The following PCDH15 variants were observed in gnomAD, a reference collection of about 807,000 sequenced individuals.
The protein encoded by PCDH15 is protocadherin-15.
Under a neutral mutation model 178.5 loss-of-function variants are expected in PCDH15, and 129 were observed. The ratio of observed to expected loss-of-function variants is 0.72; its 90% CI spans 0.63 to 0.84. PCDH15 has a LOEUF of 0.84. Ranked by LOEUF, PCDH15 falls within the 40% of genes least tolerant of loss-of-function variation. PCDH15 has a pLI of 0.00. For synonymous variants in PCDH15, 800 were observed against 732.0 expected, an observed-to-expected ratio of 1.09 and a Z score of -1.50; for missense variants, 2,230 against 2,099.9, an observed-to-expected ratio of 1.06 and a Z score of -1.21.
intron 1 of PCDH15, among the ~76,000 whole-genome samples, chr10:55,210,530 G>T (rs1441272351): frequency 6.7e-6 from 1 of 149,682 alleles, no homozygotes; most frequent in Non-Finnish European, 1.5e-5. Flanking sequence ...ATGGGGAAAT[G>T]GTGTAGTTGA....
At chr10:55,495,654 G>C (rs1840516252) in intron 2 of PCDH15, among the ~76,000 whole-genome samples, 1 of 151,696 alleles carries the variant, frequency 6.6e-6, no homozygotes, top group African/African-American at 2.4e-5. Flanking sequence ...GAATGTAAAA[G>C]ATTACAGGTT....
At chr10:54,723,215 G>A (rs1941931962) in intron 1 of PCDH15, among the ~76,000 whole-genome samples, 1 of 151,232 alleles carries the variant, frequency 6.6e-6, no homozygotes, top group South Asian at 2.1e-4. Flanking sequence ...ATAGATCAAT[G>A]GAACAGAAAA....
intron 2 of PCDH15, among the ~76,000 whole-genome samples, chr10:54,536,839 T>TTTTTTTTTTTTTTTTTTTTTTTTTG (rs2084587346): frequency 6.6e-6 from 1 of 152,170 alleles, no homozygotes; most frequent in African/African-American, 2.4e-5. Context: ...ATTCTATTTT[T>TTTTTTTTTTTTTTTTTTTTTTTTTG]ATGGCTGCAT....
chr10:53,813,533 C>A (rs749410341), intron 35 of PCDH15, among the ~76,000 whole-genome samples: 1 of 152,250 alleles, frequency 6.6e-6, no homozygotes, highest in East Asian at 1.9e-4. Flanking sequence ...CTTGGTAAAA[C>A]TTTTTAGAAT....
At chr10:54,219,274 C>CA (rs995053736) in intron 9 of PCDH15, among the ~76,000 whole-genome samples, 4,904 of 45,058 alleles carry the variant, frequency 0.11, 553 homozygotes, top group African/African-American at 0.3. Context: ...GACTTTGTCT[C>CA]AAAAAAAAAA....
intron 3 of PCDH15, among the ~76,000 whole-genome samples, chr10:54,439,009 G>T (rs1380441777): frequency 6.6e-6 from 1 of 151,994 alleles, no homozygotes; most frequent in African/African-American, 2.4e-5. Context: ...ATCCTGCAAA[G>T]ACTTAACTAT....
At chr10:54,309,105 G>A (rs2060734308) in intron 8 of PCDH15, among the ~76,000 whole-genome samples, 2 of 151,836 alleles carry the variant, frequency 1.3e-5, no homozygotes, top group Non-Finnish European at 2.9e-5. Context: ...ATTGGCCAAG[G>A]GACTCAGTGA....
chr10:54,771,606 A>G (rs1566191452), intron 1 of PCDH15, among the ~76,000 whole-genome samples: 1 of 152,152 alleles, frequency 6.6e-6, no homozygotes, highest in Non-Finnish European at 1.5e-5. Flanking sequence ...GCATGCTAGT[A>G]GTAATTCCTC....
At chr10:55,158,566 A>G (rs556629196) in intron 2 of PCDH15, among the ~76,000 whole-genome samples, 6 of 151,188 alleles carry the variant, frequency 4.0e-5, no homozygotes, top group African/African-American at 7.3e-5. Context: ...GACAAACTGA[A>G]TAACAGCTGA....
intron 13 of PCDH15, among the ~76,000 whole-genome samples, chr10:54,182,426 T>A (rs2048072568): frequency 6.6e-6 from 1 of 151,962 alleles, no homozygotes; most frequent in South Asian, 2.1e-4. Flanking sequence ...AGTTTTCCAT[T>A]TGGAGTAAGG....
At chr10:53,809,435 T>G in intron 37 of PCDH15, 1 of 1,614,018 alleles carries the variant, frequency 6.2e-7, no homozygotes, top group Non-Finnish European at 8.5e-7. Flanking sequence ...CTCTTCCATG[T>G]TGTGTATGTA....
At position 53,965,587 on chromosome 10, in the gene PCDH15, G is replaced by C. The variant is rs114528232; in HGVS notation, c.2869-3695C>G. 2.2e-3 allele frequency among the ~76,000 whole-genome samples: 338 copies of C among 152,194 alleles called. 2 individuals are homozygous for C. Among genetic ancestry groups the C allele is most frequent in the African/African-American group, 7.6e-3 (316 of 41,526 alleles). On this transcript the variant is annotated intron_variant, in intron 21 of 37. Coordinates refer to ENST00000644397, the MANE Select transcript of PCDH15 (RefSeq NM_001384140.1). ...CAATTGAGCAAAAGTGCTTGGCAAA[G>C]ATACTATAGAATTTGATACCCTAGT...
chr10:54,355,640 T>C (rs1944858044), intron 5 of PCDH15, among the ~76,000 whole-genome samples: 1 of 151,996 alleles, frequency 6.6e-6, no homozygotes, highest in African/African-American at 2.4e-5. Flanking sequence ...TAAAGATAAA[T>C]TATTTTGGGC....
intron 8 of PCDH15, among the ~76,000 whole-genome samples, chr10:54,299,992 C>T (rs1162887764): frequency 1.3e-5 from 2 of 152,176 alleles, no homozygotes; most frequent in African/African-American, 4.8e-5. Context: ...CCTGCTACCA[C>T]ACACTCTTAA....
chr10:55,307,179 A>G (rs190287175), intron 1 of PCDH15, among the ~76,000 whole-genome samples: 3 of 152,172 alleles, frequency 2.0e-5, no homozygotes, highest in Admixed American at 2.0e-4. Context: ...GGTATATTTT[A>G]CATTTCTAAT....
At chr10:53,822,507 A>C in intron 32 of PCDH15, 1 of 1,612,588 alleles carries the variant, frequency 6.2e-7, no homozygotes, top group East Asian at 2.2e-5. Context: ...AGAAGGAGAG[A>C]TGTTTGGTGG....
At chr10:54,708,249 T>C (rs1305616408) in intron 1 of PCDH15, among the ~76,000 whole-genome samples, 6 of 152,284 alleles carry the variant, frequency 3.9e-5, no homozygotes, top group South Asian at 2.1e-4. Context: ...AGGCCAGTTT[T>C]TTCTTGTGGA....
intron 2 of PCDH15, among the ~76,000 whole-genome samples, chr10:55,092,987 G>A (rs974210013): frequency 6.6e-6 from 1 of 152,024 alleles, no homozygotes; most frequent in Non-Finnish European, 1.5e-5. Flanking sequence ...TTCTTTGAAT[G>A]TGAGATGCTA....
chr10:54,340,599 A>G (rs1942049175), intron 6 of PCDH15, among the ~76,000 whole-genome samples: 1 of 152,158 alleles, frequency 6.6e-6, no homozygotes, highest in Non-Finnish European at 1.5e-5. Flanking sequence ...TGAGTTTTAG[A>G]GTAAGAGTGA....
Sources: allele counts gnomAD v4.1 joint callset (sites outside exome capture counted in the v4.1 genomes callset), GRCh38; gene constraint gnomAD v4.1.1; transcripts MANE v1.5; gene names NCBI Gene and HGNC (gene_info 2026-07-23, HGNC 2026-07-21).